Variants in RIF1 observed in about 807,000 individuals in gnomAD.
RIF1 encodes replication timing regulatory factor 1.
A neutral mutation model predicts 247.1 loss-of-function variants in RIF1; 45 were observed. The ratio of observed to expected loss-of-function variants is 0.18; its 90% CI spans 0.14 to 0.23. RIF1 has a LOEUF of 0.23. RIF1 is among the 10% of genes least tolerant of loss of function. The pLI is 1.00. For synonymous variants in RIF1, 1,087 were observed against 978.8 expected (o/e 1.11, Z -2.06); for missense variants, 2,967 against 2,862.5 (o/e 1.04, Z -0.83).
chr2:151,503,304 A>G, intron 12 of RIF1: 1 of 1,430,404 alleles, frequency 7.0e-7, no homozygotes, highest in Non-Finnish European at 9.8e-7. Flanking sequence ...ATTGTGGTAA[A>G]TTTTTTATGG....
In RIF1 at chr2:151,490,400, G is replaced by A. The variant is rs776563539; in HGVS notation, c.*416-4829G>A. 14 of 1,593,594 alleles carry A rather than the reference G, an allele frequency of 8.8e-6. No individual in the cohort carries two copies. The highest frequency in any genetic ancestry group is 1.7e-4 in the Middle Eastern group (1 of 6,042). Reference sequence around the variant, plus strand: ...TTGAGACTGCAAAGACACCCCCGTCGCTGTAAGTCGAAAGGTGGTGGTCTG... The same window carrying A: ...TTGAGACTGCAAAGACACCCCCGTCACTGTAAGTCGAAAGGTGGTGGTCTG... On this transcript the variant is annotated intron_variant and NMD_transcript_variant, in intron 9 of 13. Coordinates refer to the RIF1 transcript ENST00000454583.
At chr2:151,419,247 TGTA>T (rs1489984762) in intron 6 of RIF1, among the ~76,000 whole-genome samples, 3 of 151,864 alleles carry the variant, frequency 2.0e-5, no homozygotes, top group African/African-American at 7.2e-5. Context: ...AAAATTATAG[TGTA>T]GGAGTAAACT....
At chr2:151,509,084 C>A (rs1458187296), downstream of RIF1, among the ~76,000 whole-genome samples, 5 of 152,176 alleles carry the variant, frequency 3.3e-5, no homozygotes, top group Admixed American at 2.6e-4. Context: ...TAAAACTATT[C>A]TGTCTGTCTC....
At chr2:151,518,215 T>C in the RIF1 span, 1 of 850,830 alleles carries the variant, frequency 1.2e-6, no homozygotes, top group South Asian at 1.4e-5. Flanking sequence ...CCTTATATCT[T>C]TGTGCATTTT....
chr2:151,438,643 T>C (rs772087785), intron 13 of RIF1, 41 bp from the exon 14 acceptor site: 2 of 1,305,554 alleles, frequency 1.5e-6, no homozygotes, highest in East Asian at 4.6e-5. Context: ...CGTAGTCATA[T>C]GTACTTCATT....
the RIF1 span, among the ~76,000 whole-genome samples, chr2:151,521,764 G>C: frequency 6.6e-6 from 1 of 152,034 alleles, no homozygotes; most frequent in Non-Finnish European, 1.5e-5. Context: ...CTTTTTAACT[G>C]AAAAAAAGTT....
rs1696794668 is a variant in RIF1, at chr2:151,465,829, G to C, written c.6309G>C (p.Met2103Ile). The C allele has an allele frequency of 6.2e-7, 1 of 1,612,966 alleles. No individual in the cohort carries two copies. The highest frequency in any genetic ancestry group is 8.5e-7 in the Non-Finnish European group (1 of 1,179,070). ...KSEEKLDNNQ[M>I]VMESDILQED... ...AAGAAAAATTAGATAACAATCAAATGGTAATGGAAAGTGATATTTTACAGG... is the reference window on the plus strand; with the variant it reads ...AAGAAAAATTAGATAACAATCAAATCGTAATGGAAAGTGATATTTTACAGG... Residue 2103 changes from methionine (M) to isoleucine (I), a missense_variant, in exon 30 of 36, where the codon ATG becomes ATC. Met to Ile is a conservative substitution (Grantham distance 10). Coordinates refer to ENST00000444746, the MANE Select transcript of RIF1 (RefSeq NM_018151.5).
chr2:151,527,598 G>T, the RIF1 span: 1 of 1,589,412 alleles, frequency 6.3e-7, no homozygotes. Flanking sequence ...GTTTTTAACA[G>T]GAGAGAAAGG....
At chr2:151,499,965 TA>T (rs1277002758) in intron 11 of RIF1, among the ~76,000 whole-genome samples, 3 of 152,142 alleles carry the variant, frequency 2.0e-5, no homozygotes, top group Non-Finnish European at 4.4e-5. Flanking sequence ...ATGGTTACTT[TA>T]AAAAAAGTCC....
intron 21 of RIF1, among the ~76,000 whole-genome samples, chr2:151,453,579 C>CAAAAAAAAAAAAAAAAAAAAAAAAAAA: frequency 1.4e-5 from 1 of 72,920 alleles, no homozygotes. Flanking sequence ...GACTCTGTCT[C>CAAAAAAAAAAAAAAAAAAAAAAAAAAA]AAAAAAAAAA....
chr2:151,416,278 ATTGTC>A (rs1687206920), intron 4 of RIF1, among the ~76,000 whole-genome samples: 1 of 152,176 alleles, frequency 6.6e-6, no homozygotes, highest in Non-Finnish European at 1.5e-5. Context: ...CTTACCAAAA[ATTGTC>A]TTGTATGTTC....
At chr2:151,469,991 T>G (rs1383488019) in intron 34 of RIF1, 127 bp downstream of exon 34, 4 of 564,846 alleles carry the variant, frequency 7.1e-6, no homozygotes, top group Non-Finnish European at 1.2e-5. Context: ...GTACTGTCTT[T>G]ATGCATTGCA....
At chr2:151,447,430 C>T (rs1203773400) in intron 20 of RIF1, among the ~76,000 whole-genome samples, 1 of 152,196 alleles carries the variant, frequency 6.6e-6, no homozygotes, top group African/African-American at 2.4e-5. Context: ...TGTAACTTTT[C>T]GTAAAACACT....
At chr2:151,448,862 C>A (rs1308618496) in intron 20 of RIF1, among the ~76,000 whole-genome samples, 4 of 152,156 alleles carry the variant, frequency 2.6e-5, no homozygotes, top group Admixed American at 6.5e-5. Flanking sequence ...AAGGTTGACC[C>A]TCAGTTATCA....
At chr2:151,420,112 C>A in intron 6 of RIF1, 78 bp from the exon 7 acceptor site, 1 of 1,226,564 alleles carries the variant, frequency 8.2e-7, no homozygotes, top group Non-Finnish European at 1.2e-6. Context: ...GTGTATATTT[C>A]TGTTTCACCT....
intron 20 of RIF1, among the ~76,000 whole-genome samples, chr2:151,447,326 C>T (rs536518700): frequency 2.6e-5 from 4 of 152,224 alleles, no homozygotes; most frequent in Non-Finnish European, 5.9e-5. Flanking sequence ...TTTCTGTTTA[C>T]GCATGTCATT....
Position 151,410,029 on chromosome 2 carries a change from C to T in RIF1, c.-15C>T. 2 of 702,920 alleles carry T rather than the reference C, an allele frequency of 2.8e-6. No individual in the cohort carries two copies. The highest frequency in any genetic ancestry group is 5.2e-6 in the Non-Finnish European group (2 of 384,918). 43.5% of individuals were successfully genotyped at this position (702,920 alleles called of 1,614,324 possible). On this transcript the variant is annotated 5_prime_UTR_variant, in exon 1 of 36. Transcript: ENST00000444746. ...GCGGAGAGAACCCTGTCCTGATCTTCCTAGGTGGGATAAATATCGGGGTGA... is the reference window on the plus strand; with the variant it reads ...GCGGAGAGAACCCTGTCCTGATCTTTCTAGGTGGGATAAATATCGGGGTGA...
At chr2:151,460,576 C>T (rs751262674) in intron 26 of RIF1, among the ~76,000 whole-genome samples, 7 of 152,190 alleles carry the variant, frequency 4.6e-5, no homozygotes, top group Non-Finnish European at 1.0e-4. Context: ...TTTTAGACAA[C>T]AGTTCTCTCT....
At chr2:151,457,556 AAAT>A (rs1388130265) in intron 23 of RIF1, among the ~76,000 whole-genome samples, 2 of 151,686 alleles carry the variant, frequency 1.3e-5, no homozygotes, top group African/African-American at 4.9e-5. Context: ...TGTTAATAGA[AAAT>A]AAGTTCAAAA....
Sources: allele counts gnomAD v4.1 joint callset (sites outside exome capture counted in the v4.1 genomes callset), GRCh38; gene constraint gnomAD v4.1.1; transcripts MANE v1.5; gene names NCBI Gene and HGNC (gene_info 2026-07-23, HGNC 2026-07-21).